Variants in STAG3 observed in about 807,000 individuals in gnomAD.
The protein encoded by STAG3 is cohesin subunit SA-3.
In STAG3, 101 loss-of-function variants were observed where a neutral mutation model predicts 160.7. The ratio of observed to expected loss-of-function variants is 0.63; its 90% CI spans 0.54 to 0.74. STAG3 has a LOEUF of 0.74. STAG3 is among the 30% of genes least tolerant of loss of function. STAG3 has a pLI of 0.00. For missense variants in STAG3, 1,188 were observed against 1,517.4 expected, an observed-to-expected ratio of 0.78 and a Z score of 3.61; for synonymous variants, 519 against 585.0, an observed-to-expected ratio of 0.89 and a Z score of 1.63.
intron 8 of STAG3, among the ~76,000 whole-genome samples, chr7:100,190,368 T>C (rs1476661992): frequency 6.6e-6 from 1 of 152,216 alleles, no homozygotes; most frequent in Non-Finnish European, 1.5e-5. Flanking sequence ...TCTGACCATA[T>C]CATTTGGCTG....
chr7:100,181,500 T>C (rs1427589503), intron 2 of STAG3: 1 of 152,276 alleles, frequency 6.6e-6, no homozygotes, highest in Non-Finnish European at 1.5e-5. Context: ...GAGCCATGAT[T>C]ATCTTTCTCT....
At chr7:100,185,601 CAAAA>C (rs57953038) in intron 4 of STAG3, among the ~76,000 whole-genome samples, 2 of 61,750 alleles carry the variant, frequency 3.2e-5, no homozygotes, top group Non-Finnish European at 3.4e-5. Context: ...GACTCCATCT[CAAAA>C]AAAAAAAAAA....
chr7:100,199,657 G>C lies in STAG3; in HGVS notation c.1677+13G>C. 1 of 1,558,580 alleles carries C rather than the reference G, an allele frequency of 6.4e-7. No individual in the cohort carries two copies. The highest frequency in any genetic ancestry group is 8.7e-7 in the Non-Finnish European group (1 of 1,149,084). ...CACTGGGAGGAAGGTATGGTGTGAG[G>C]GTAGAGTGGGTAGGTCAGCAATACT... On this transcript the variant is annotated intron_variant, in intron 16 of 33. Coordinates refer to ENST00000615138, the MANE Select transcript of STAG3 (RefSeq NM_001282717.2).
intron 26 of STAG3, 125 bp from the exon 27 acceptor site, chr7:100,204,502 A>G (rs1801446079): frequency 8.4e-7 from 1 of 1,194,660 alleles, no homozygotes; most frequent in East Asian, 2.5e-5. Flanking sequence ...AAGGAAGGAA[A>G]GAGTAAAAGT....
intron 29 of STAG3, among the ~76,000 whole-genome samples, chr7:100,208,704 T>C (rs1275142649): frequency 6.6e-6 from 1 of 152,198 alleles, no homozygotes; most frequent in Admixed American, 6.5e-5. Context: ...ATTCATTCAA[T>C]AGATACTGAG....
intron 25 of STAG3, among the ~76,000 whole-genome samples, chr7:100,203,716 G>A (rs1039513907): frequency 4.7e-5 from 7 of 149,796 alleles, no homozygotes; most frequent in East Asian, 2.0e-4. Flanking sequence ...GGGTTTCACC[G>A]TATTAGCCAG....
intron 8 of STAG3, among the ~76,000 whole-genome samples, chr7:100,192,233 G>T: frequency 6.6e-6 from 1 of 152,130 alleles, no homozygotes; most frequent in East Asian, 1.9e-4. Flanking sequence ...CATTTAAAAT[G>T]GTGAATCCCG....
At chr7:100,204,812 G>C in intron 27 of STAG3, 37 bp downstream of exon 27, 1 of 1,611,224 alleles carries the variant, frequency 6.2e-7, no homozygotes. Flanking sequence ...TCCAGGGAGG[G>C]CTGGGAACGA....
At chr7:100,217,291 G>C (rs530803108), downstream of STAG3, among the ~76,000 whole-genome samples, 1 of 152,328 alleles carries the variant, frequency 6.6e-6, no homozygotes, top group Admixed American at 6.5e-5. Context: ...CCTGCTGGCC[G>C]TCCAGGACAG....
At chr7:100,188,766 G>A in intron 6 of STAG3, 46 bp from the exon 7 acceptor site, 1 of 1,594,938 alleles carries the variant, frequency 6.3e-7, no homozygotes, top group Non-Finnish European at 8.6e-7. Context: ...ATGACTTCAT[G>A]GACCTGGTAA....
Position 100,204,716 on chromosome 7 carries a change from T to C in STAG3, c.2892T>C (p.Phe964=), listed in dbSNP as rs1268102149. 1.2e-6 allele frequency: 2 copies of C among 1,614,120 alleles called. No homozygotes were observed. The highest frequency in any genetic ancestry group is 1.7e-6 in the Non-Finnish European group (2 of 1,180,006). Residue 964 remains phenylalanine, a synonymous_variant, in exon 27 of 34, where the codon TTT becomes TTC. Transcript: ENST00000615138. ...FIEMRDLARR[F]ALSFGPQQLQ... ...AGATGAGGGACCTGGCCCGGAGGTT[T>C]GCCTTGAGTTTTGGACCCCAGCAGC... is the stretch of plus-strand genomic sequence containing the variant.
At chr7:100,194,257 A>G (rs1266836288) in intron 8 of STAG3, among the ~76,000 whole-genome samples, 1 of 152,118 alleles carries the variant, frequency 6.6e-6, no homozygotes, top group Non-Finnish European at 1.5e-5. Flanking sequence ...AAGCTTAATC[A>G]TTTCTAGCTT....
chr7:100,203,873 T>G, intron 25 of STAG3, 148 bp from the exon 26 acceptor site: 1 of 567,008 alleles, frequency 1.8e-6, no homozygotes. Flanking sequence ...TGATTAGAGA[T>G]GAAGTCTAGT....
chr7:100,202,963 A>G (rs1229889014), intron 25 of STAG3, among the ~76,000 whole-genome samples: 1 of 152,208 alleles, frequency 6.6e-6, no homozygotes, highest in Non-Finnish European at 1.5e-5. Flanking sequence ...ACCCACCAGT[A>G]TTGATTTATG....
At chr7:100,209,592 G>A (rs1159327137) in intron 29 of STAG3, among the ~76,000 whole-genome samples, 2 of 152,172 alleles carry the variant, frequency 1.3e-5, no homozygotes, top group East Asian at 1.9e-4. Context: ...CTGCTGTGTC[G>A]AAAACGACAG....
At chr7:100,197,648 T>TA (rs918628903) in intron 10 of STAG3, 130 bp from the exon 11 acceptor site, 3 of 791,598 alleles carry the variant, frequency 3.8e-6, no homozygotes, top group Admixed American at 2.0e-5. Context: ...TCTGACATCT[T>TA]AAGAGTCCTC....
intron 4 of STAG3, among the ~76,000 whole-genome samples, chr7:100,183,262 C>T (rs1371287130): frequency 2.6e-5 from 4 of 152,168 alleles, no homozygotes; most frequent in African/African-American, 4.8e-5. Context: ...GATCCGCCCA[C>T]CTTGGCCTCC....
At position 100,197,305 on chromosome 7, in the gene STAG3, C is replaced by G. The variant is rs763968349; in HGVS notation, c.1065+26C>G. 2.5e-6 allele frequency: 4 copies of G among 1,604,560 alleles called. No individual in the cohort carries two copies. In the African/African-American group the frequency reaches 5.4e-5, roughly 21 times the overall value. On this transcript the variant is annotated intron_variant, in intron 10 of 33. Coordinates refer to ENST00000615138, the MANE Select transcript of STAG3 (RefSeq NM_001282717.2). ...GTGGGATTCGAGTCAGTTTCCCTTT[C>G]CGTTTCCTTCATCTTTTTCCTGTCC...
At chr7:100,209,598 G>C (rs950153264) in intron 29 of STAG3, among the ~76,000 whole-genome samples, 1 of 152,204 alleles carries the variant, frequency 6.6e-6, no homozygotes, top group African/African-American at 2.4e-5. Context: ...TGTCGAAAAC[G>C]ACAGGAGATG....
Sources: gnomAD v4.1 joint callset for allele counts (sites outside exome capture counted in the v4.1 genomes callset) on GRCh38, gnomAD v4.1.1 for gene constraint, MANE v1.5 for transcripts, NCBI Gene and HGNC (gene_info 2026-07-23, HGNC 2026-07-21) for gene names.